CCBE1: variants seen among roughly 807,000 people sequenced by gnomAD.
CCBE1 encodes collagen and calcium-binding EGF domain-containing protein 1.
CCBE1 carries 37 observed loss-of-function variants against 50.0 expected under a neutral mutation model. The ratio of observed to expected loss-of-function variants is 0.74; its 90% CI spans 0.57 to 0.97. CCBE1 has a LOEUF of 0.97. Ranked by LOEUF, CCBE1 falls within the 50% of genes least tolerant of loss-of-function variation. The probability of loss-of-function intolerance (pLI) is 0.00; values close to 1 mark genes in which losing one functional copy is unlikely to be tolerated. For synonymous variants in CCBE1, 234 were observed against 203.7 expected (o/e 1.15, Z -1.27); for missense variants, 538 against 523.8 (o/e 1.03, Z -0.26).
intron 7 of CCBE1, among the ~76,000 whole-genome samples, chr18:59,440,846 GGAGT>G (rs1393798820): frequency 6.6e-6 from 1 of 152,164 alleles, no homozygotes; most frequent in African/African-American, 2.4e-5. Context: ...ACTCTAGCAT[GGAGT>G]AAGTAATAGC....
At chr18:59,652,693 A>T (rs530029507) in intron 2 of CCBE1, among the ~76,000 whole-genome samples, 3 of 152,224 alleles carry the variant, frequency 2.0e-5, no homozygotes, top group African/African-American at 7.2e-5. Flanking sequence ...GGCCGGGCGC[A>T]GTGGCTCCCG....
intron 2 of CCBE1, among the ~76,000 whole-genome samples, chr18:59,564,541 A>G (rs1304084858): frequency 1.3e-5 from 2 of 152,226 alleles, no homozygotes; most frequent in African/African-American, 2.4e-5. Context: ...ATATATGACA[A>G]TGTCTTCAGT....
chr18:59,448,096 A>G lies in CCBE1; in HGVS notation c.662T>C (p.Leu221Pro). Residue 221 changes from leucine (L) to proline (P), a missense_variant, in exon 7 of 11, where the codon CTG (leucine) becomes CCG (proline). Leu to Pro is a moderately conservative substitution (Grantham distance 98). Transcript: ENST00000439986. ...TVLQLKQKIA[L>P]LPNNAADLGK... ...CAGGTCAGCTGCATTGTTGGGGAGC[A>G]GAGCAATCTGCAAGGAGAAGAGGAA... 1 of 1,614,094 alleles carries G rather than the reference A, an allele frequency of 6.2e-7. No individual in the cohort carries two copies. The highest frequency in any genetic ancestry group is 8.5e-7 in the Non-Finnish European group (1 of 1,180,042).
At chr18:59,582,552 TCA>T (rs2144513066) in intron 2 of CCBE1, among the ~76,000 whole-genome samples, 1 of 152,284 alleles carries the variant, frequency 6.6e-6, no homozygotes, top group South Asian at 2.1e-4. Context: ...GCTTAAGAAC[TCA>T]GGCTCTTCAA....
rs142300873 is a variant in CCBE1, at chr18:59,621,224, C to A, written c.212+75405G>T. Reference sequence around the variant, plus strand: ...GAAACAGCTAAAAGCAAACTCCCCACACACTCACACCAAGGAGGTGAAAGA... The same window carrying A: ...GAAACAGCTAAAAGCAAACTCCCCAAACACTCACACCAAGGAGGTGAAAGA... On this transcript the variant is annotated intron_variant, in intron 2 of 10. Coordinates refer to ENST00000439986, the MANE Select transcript of CCBE1 (RefSeq NM_133459.4). 2.6e-5 allele frequency among the ~76,000 whole-genome samples: 4 copies of A among 152,328 alleles called. No individual in the cohort carries two copies. The East Asian group carries it at 7.7e-4, about 29-fold the overall frequency.
intron 2 of CCBE1, among the ~76,000 whole-genome samples, chr18:59,606,894 T>C (rs992925533): frequency 6.6e-6 from 1 of 152,210 alleles, no homozygotes; most frequent in Non-Finnish European, 1.5e-5. Flanking sequence ...TCTTGGTTCA[T>C]GCTTCTGCTG....
intron 2 of CCBE1, among the ~76,000 whole-genome samples, chr18:59,694,100 G>A (rs900466400): frequency 2.0e-5 from 3 of 151,904 alleles, no homozygotes; most frequent in African/African-American, 7.3e-5. Flanking sequence ...TCGATCTCTT[G>A]ACCTCATGAC....
At chr18:59,573,485 C>T (rs904626742) in intron 2 of CCBE1, among the ~76,000 whole-genome samples, 3 of 151,472 alleles carry the variant, frequency 2.0e-5, no homozygotes, top group African/African-American at 4.8e-5. Context: ...TTTTAACTTA[C>T]GAAGCACCAC....
chr18:59,566,718 A>T (rs147224537), intron 2 of CCBE1, among the ~76,000 whole-genome samples: 241 of 152,256 alleles, frequency 1.6e-3, no homozygotes, highest in Non-Finnish European at 2.4e-3. Flanking sequence ...AAGAAATACT[A>T]CCACTGACAG....
chr18:59,681,379 A>T (rs1014467208), intron 2 of CCBE1, among the ~76,000 whole-genome samples: 3 of 152,254 alleles, frequency 2.0e-5, no homozygotes, highest in Non-Finnish European at 4.4e-5. Flanking sequence ...CAGTATGTTA[A>T]GATAAAAGAT....
chr18:59,628,936 C>G (rs1024189562), intron 2 of CCBE1, among the ~76,000 whole-genome samples: 1 of 152,198 alleles, frequency 6.6e-6, no homozygotes, highest in East Asian at 1.9e-4. Context: ...GTCACCTCTC[C>G]TCTGCTACCT....
At chr18:59,609,882 T>C (rs1262481927) in intron 2 of CCBE1, among the ~76,000 whole-genome samples, 2 of 152,238 alleles carry the variant, frequency 1.3e-5, no homozygotes, top group Admixed American at 1.3e-4. Context: ...TTCAATGTGA[T>C]TGGGCAATAT....
chr18:59,488,351 A>AT (rs1178650189), intron 2 of CCBE1, among the ~76,000 whole-genome samples: 3 of 152,164 alleles, frequency 2.0e-5, no homozygotes, highest in African/African-American at 7.2e-5. Context: ...ATGTACAGTT[A>AT]TTTTTGCCAC....
chr18:59,500,763 A>C (rs1004008645), intron 2 of CCBE1, among the ~76,000 whole-genome samples: 13 of 152,216 alleles, frequency 8.5e-5, no homozygotes, highest in Non-Finnish European at 1.9e-4. Flanking sequence ...GAGGCAGAGA[A>C]GCCCAAGGGA....
At chr18:59,626,752 C>A (rs547485117) in intron 2 of CCBE1, among the ~76,000 whole-genome samples, 327 of 152,360 alleles carry the variant, frequency 2.1e-3, no homozygotes, top group Non-Finnish European at 2.9e-3. Flanking sequence ...TGCTATGCCA[C>A]CTCTATGGGA....
At chr18:59,462,278 A>G (rs1004383869) in intron 5 of CCBE1, among the ~76,000 whole-genome samples, 1 of 152,160 alleles carries the variant, frequency 6.6e-6, no homozygotes, top group Non-Finnish European at 1.5e-5. Flanking sequence ...CTGAACGTTG[A>G]CCAGTTGGCT....
At chr18:59,614,488 C>A (rs975049983) in intron 2 of CCBE1, among the ~76,000 whole-genome samples, 1 of 152,160 alleles carries the variant, frequency 6.6e-6, no homozygotes, top group Non-Finnish European at 1.5e-5. Context: ...GTTGCCTTCC[C>A]GAGCTACTTT....
intron 2 of CCBE1, among the ~76,000 whole-genome samples, chr18:59,632,878 G>C (rs992211132): frequency 7.2e-5 from 11 of 152,100 alleles, no homozygotes; most frequent in Non-Finnish European, 1.2e-4. Flanking sequence ...CAAAGTGCTG[G>C]GATTACAGGT....
chr18:59,530,735 AT>A (rs1232815407), intron 2 of CCBE1, among the ~76,000 whole-genome samples: 1 of 152,250 alleles, frequency 6.6e-6, no homozygotes, highest in African/African-American at 2.4e-5. Context: ...TTAAGGCATA[AT>A]AAAGGAACAA....
Sources: allele counts gnomAD v4.1 joint callset (sites outside exome capture counted in the v4.1 genomes callset), GRCh38; gene constraint gnomAD v4.1.1; transcripts MANE v1.5; gene names NCBI Gene and HGNC (gene_info 2026-07-23, HGNC 2026-07-21).